PADI1: variants seen among roughly 807,000 people sequenced by gnomAD.
PADI1 encodes the protein protein-arginine deiminase type-1.
Under a neutral mutation model 74.8 loss-of-function variants are expected in PADI1, and 65 were observed. That is an observed-to-expected ratio of 0.87 (90% CI 0.71 to 1.07). The LOEUF (loss-of-function observed/expected upper bound fraction) is 1.07. Among genes scored for constraint, PADI1 ranks in the 50% least tolerant of loss-of-function variants. The pLI, the probability that PADI1 is intolerant of heterozygous loss-of-function variation, is 0.00. For missense variants in PADI1, 943 were observed against 854.0 expected (o/e 1.10, Z -1.30); for synonymous variants, 371 against 336.2 (o/e 1.10, Z -1.13).
intron 3 of PADI1, 41 bp from the exon 4 acceptor site, chr1:17,224,326 G>T: frequency 6.3e-7 from 1 of 1,579,920 alleles, no homozygotes; most frequent in Non-Finnish European, 8.7e-7. Flanking sequence ...TGAAGATGGG[G>T]CTGGATGAGC....
chr1:17,222,161 C>T (rs1184580806), intron 1 of PADI1, 129 bp from the exon 2 acceptor site: 2 of 658,710 alleles, frequency 3.0e-6, no homozygotes, highest in African/African-American at 3.6e-5. Context: ...TGCCCTGTGC[C>T]TCCCCAGCCT....
chr1:17,236,845 G>T (rs113198561), intron 11 of PADI1, among the ~76,000 whole-genome samples: 1 of 152,030 alleles, frequency 6.6e-6, no homozygotes, highest in Non-Finnish European at 1.5e-5. Context: ...GAAAGAAGAG[G>T]CAGTTAAAGA....
intron 1 of PADI1, among the ~76,000 whole-genome samples, chr1:17,207,686 G>A (rs993370067): frequency 3.3e-5 from 5 of 152,236 alleles, no homozygotes; most frequent in Non-Finnish European, 7.3e-5. Context: ...CTGGCCCAGC[G>A]GAGGGGCAAC....
chr1:17,208,136 G>T (rs1346689635), intron 1 of PADI1, among the ~76,000 whole-genome samples: 1 of 152,206 alleles, frequency 6.6e-6, no homozygotes, highest in Non-Finnish European at 1.5e-5. Context: ...TTACTGGTGG[G>T]AGGGGGGAAG....
rs372834468 is a variant in PADI1 at position 17,205,180 on chromosome 1, C to A, written c.-38C>A. The stretch of plus-strand genomic sequence containing the variant: ...AGTGCCCAGGACGGGAGCTGGGGAG[C>A]CAGGGCTGATCTAGGAGGCTGGGAG... On this transcript the variant is annotated 5_prime_UTR_variant, in exon 1 of 16. Coordinates refer to ENST00000375471, the MANE Select transcript of PADI1 (RefSeq NM_013358.3). 3 of 1,566,348 alleles carry A rather than the reference C, an allele frequency of 1.9e-6. No homozygotes were observed. In the African/African-American group the frequency reaches 4.1e-5, roughly 21 times the overall value.
At chr1:17,236,165 C>T (rs1162778299) in intron 11 of PADI1, among the ~76,000 whole-genome samples, 2 of 152,168 alleles carry the variant, frequency 1.3e-5, no homozygotes. Flanking sequence ...AATGGACAAA[C>T]CAGACAACCA....
chr1:17,238,503 G>A (rs2072702116), intron 12 of PADI1, 113 bp from the exon 13 acceptor site: 1 of 456,058 alleles, frequency 2.2e-6, no homozygotes, highest in Non-Finnish European at 3.9e-6. Flanking sequence ...TGTAGACCGA[G>A]TGGGAGAGGG....
intron 10 of PADI1, among the ~76,000 whole-genome samples, 178 bp from the exon 11 acceptor site, chr1:17,232,641 C>T (rs1460739305): frequency 4.6e-5 from 7 of 152,054 alleles, no homozygotes; most frequent in South Asian, 2.1e-4. Flanking sequence ...TGTCTTTAAT[C>T]GCATGGTTCG....
At chr1:17,214,487 C>CT (rs1162891304) in intron 1 of PADI1, among the ~76,000 whole-genome samples, 1 of 152,030 alleles carries the variant, frequency 6.6e-6, no homozygotes, top group Non-Finnish European at 1.5e-5. Context: ...ATGATTTGGC[C>CT]TTTTTTATTT....
chr1:17,241,198 T>G (rs2977311), intron 15 of PADI1, among the ~76,000 whole-genome samples: 71,094 of 152,064 alleles, frequency 0.47, 16,850 homozygotes, highest in South Asian at 0.55. Context: ...TGTCAGGCGG[T>G]GCAGGTGGGG....
chr1:17,230,265 G>A (rs200093653), intron 9 of PADI1, 57 bp downstream of exon 9: 28 of 1,580,032 alleles, frequency 1.8e-5, no homozygotes, highest in East Asian at 6.7e-5. Context: ...AAGGGAAGCC[G>A]CACAGGTGCC....
chr1:17,215,378 T>TTCA (rs559907183), intron 1 of PADI1, among the ~76,000 whole-genome samples: 2,820 of 148,418 alleles, frequency 0.019, 32 homozygotes, highest in African/African-American at 0.033. Context: ...TCCCCCTTCT[T>TTCA]TCATCATCAT....
At chr1:17,237,750 C>T (rs1025055571) in intron 12 of PADI1, among the ~76,000 whole-genome samples, 1 of 152,188 alleles carries the variant, frequency 6.6e-6, no homozygotes, top group East Asian at 1.9e-4. Flanking sequence ...TCATTTAATC[C>T]TCCAACAAGC....
chr1:17,221,522 C>T (rs1431846768), intron 1 of PADI1, among the ~76,000 whole-genome samples: 4 of 120,360 alleles, frequency 3.3e-5, no homozygotes, highest in South Asian at 5.2e-4. Context: ...GGGGATCAGT[C>T]GGGGGGAAAG....
Position 17,212,610 on chromosome 1 carries a change from G to A in PADI1, c.92+7301G>A, listed in dbSNP as rs544047426. 9.2e-5 allele frequency among the ~76,000 whole-genome samples: 14 copies of A among 152,078 alleles called. 1 individual carries two copies. The highest frequency in any genetic ancestry group is 6.5e-4 in the Admixed American group (10 of 15,272). ...TTGGCCGGTGGAGCCCCAGTGGGCC[G>A]AGGCTTCTGGGAAGCAAGTTGCAGC... On this transcript the variant is annotated intron_variant, in intron 1 of 15. Transcript: ENST00000375471.
chr1:17,233,111 C>T (rs1208309021), intron 11 of PADI1, 141 bp downstream of exon 11: 3 of 772,318 alleles, frequency 3.9e-6, no homozygotes, highest in Non-Finnish European at 3.9e-6. Context: ...ATCAAAGACT[C>T]GGCAACCTAG....
intron 1 of PADI1, among the ~76,000 whole-genome samples, chr1:17,209,726 G>A (rs2071786837): frequency 1.3e-5 from 2 of 152,166 alleles, no homozygotes; most frequent in African/African-American, 4.8e-5. Context: ...ACTTCCAGCT[G>A]GTCTTTGCAG....
At chr1:17,220,493 G>A (rs1027888524) in intron 1 of PADI1, among the ~76,000 whole-genome samples, 9 of 152,144 alleles carry the variant, frequency 5.9e-5, no homozygotes, top group Non-Finnish European at 2.9e-5. Context: ...TTATTAACAA[G>A]TGTTTATTGA....
At chr1:17,229,751 A>G (rs2072433257) in intron 8 of PADI1, among the ~76,000 whole-genome samples, 2 of 152,186 alleles carry the variant, frequency 1.3e-5, no homozygotes, top group South Asian at 4.1e-4. Flanking sequence ...GTGGAACAGG[A>G]GTAGATGGGG....
Sources: gnomAD v4.1 joint callset for allele counts (sites outside exome capture counted in the v4.1 genomes callset) on GRCh38, gnomAD v4.1.1 for gene constraint, MANE v1.5 for transcripts, NCBI Gene and HGNC (gene_info 2026-07-23, HGNC 2026-07-21) for gene names.